Variants in FSTL5 observed in about 807,000 individuals in gnomAD.
The protein encoded by FSTL5 is follistatin-related protein 5.
Under a neutral mutation model 89.1 loss-of-function variants are expected in FSTL5, and 62 were observed. That is an observed-to-expected ratio of 0.70 (90% CI 0.57 to 0.86). The LOEUF is 0.86. FSTL5 is among the 40% of genes least tolerant of loss of function. FSTL5 has a pLI of 0.00. For synonymous variants in FSTL5, 383 were observed against 346.2 expected (o/e 1.11, Z -1.18); for missense variants, 1,057 against 1,001.6 (o/e 1.06, Z -0.75).
intron 1 of FSTL5, among the ~76,000 whole-genome samples, chr4:162,144,285 G>A (rs1732884966): frequency 6.6e-6 from 1 of 152,136 alleles, no homozygotes; most frequent in African/African-American, 2.4e-5. Flanking sequence ...TTAATTATTT[G>A]GGAGGAATTT....
chr4:161,519,493 T>G (rs1033206766), intron 10 of FSTL5, among the ~76,000 whole-genome samples: 1 of 152,010 alleles, frequency 6.6e-6, no homozygotes, highest in Non-Finnish European at 1.5e-5. Flanking sequence ...TCCACTGCAC[T>G]CCAGCCTGGG....
At chr4:161,967,196 A>G (rs1735353989) in intron 3 of FSTL5, among the ~76,000 whole-genome samples, 1 of 152,072 alleles carries the variant, frequency 6.6e-6, no homozygotes. Context: ...TTGTTACATC[A>G]TCTTAAAATT....
At chr4:161,596,284 A>C (rs575694586) in intron 7 of FSTL5, among the ~76,000 whole-genome samples, 1 of 151,980 alleles carries the variant, frequency 6.6e-6, no homozygotes, top group South Asian at 2.1e-4. Context: ...GCTTTCCCTA[A>C]AGTAAATCAT....
At chr4:161,467,372 T>C (rs976122969) in intron 13 of FSTL5, among the ~76,000 whole-genome samples, 2 of 152,140 alleles carry the variant, frequency 1.3e-5, no homozygotes, top group African/African-American at 4.8e-5. Context: ...AAAGTCTAAC[T>C]TTGAATCTAG....
intron 7 of FSTL5, among the ~76,000 whole-genome samples, chr4:161,654,551 T>C (rs1464413922): frequency 6.6e-6 from 1 of 152,134 alleles, no homozygotes; most frequent in African/African-American, 2.4e-5. Context: ...TCCACATATA[T>C]GCAAACTTAG....
chr4:162,066,355 C>CTTCTTCTTGTTCTT lies in FSTL5; in HGVS notation c.127-32698_127-32697insAAGAACAAGAAGAA, dbSNP rs1553996329. 7.4e-4 allele frequency among the ~76,000 whole-genome samples: 45 copies of CTTCTTCTTGTTCTT among 61,180 alleles called. 4 individuals are homozygous for CTTCTTCTTGTTCTT. The highest frequency in any genetic ancestry group is 2.7e-3 in the African/African-American group (45 of 16,372). 40.1% of individuals were successfully genotyped at this position (61,180 alleles called of 152,430 possible). On this transcript the variant is annotated intron_variant, in intron 2 of 15. Transcript: ENST00000306100. ...TTCTTCTTCTTCTTCTTCTTCTTCT[C>CTTCTTCTTGTTCTT]CTTCTTCTTCTTCTTCTCCTTCTTC... is the stretch of plus-strand genomic sequence containing the variant.
rs72984746 is a variant in FSTL5, at chr4:162,116,390, C to A, written c.-16-4978G>T. Among the ~76,000 whole-genome samples the A allele has an allele frequency of 6.3e-3, 956 of 152,320 alleles. 6 individuals are homozygous for A. The highest frequency in any genetic ancestry group is 0.022 in the African/African-American group (916 of 41,580). Reference sequence around the variant, plus strand: ...TAACACACTTCGCATGTACCGTTAGCATATAAAATCTCCACGTAGGTGTGG... The same window carrying A: ...TAACACACTTCGCATGTACCGTTAGAATATAAAATCTCCACGTAGGTGTGG... On this transcript the variant is annotated intron_variant, in intron 1 of 15. Coordinates refer to ENST00000306100, the MANE Select transcript of FSTL5 (RefSeq NM_020116.5).
intron 1 of FSTL5, among the ~76,000 whole-genome samples, chr4:162,115,551 C>G (rs1005692795): frequency 2.0e-5 from 3 of 152,142 alleles, no homozygotes; most frequent in African/African-American, 7.2e-5. Context: ...CTAAAACAAA[C>G]CAGCTGGAAC....
intron 10 of FSTL5, among the ~76,000 whole-genome samples, chr4:161,517,989 A>G (rs1485442018): frequency 6.6e-6 from 1 of 152,226 alleles, no homozygotes; most frequent in Admixed American, 6.5e-5. Flanking sequence ...TTCTTTGAAT[A>G]TACATATGGA....
At chr4:161,734,778 C>G (rs960669423) in intron 6 of FSTL5, among the ~76,000 whole-genome samples, 1 of 152,160 alleles carries the variant, frequency 6.6e-6, no homozygotes, top group Non-Finnish European at 1.5e-5. Flanking sequence ...GGGGCTTTTC[C>G]TCATGCACCA....
intron 6 of FSTL5, among the ~76,000 whole-genome samples, chr4:161,679,558 G>A (rs1030825120): frequency 3.3e-5 from 5 of 151,708 alleles, no homozygotes; most frequent in Admixed American, 6.6e-5. Context: ...TATTGGAAAA[G>A]GGGGAAAAAT....
intron 7 of FSTL5, among the ~76,000 whole-genome samples, chr4:161,612,745 G>A (rs1734694972): frequency 6.6e-6 from 1 of 152,138 alleles, no homozygotes; most frequent in Non-Finnish European, 1.5e-5. Flanking sequence ...GAAGTTTAGG[G>A]ATTGGGAGTT....
chr4:161,890,554 G>C (rs2110750176), intron 4 of FSTL5, among the ~76,000 whole-genome samples: 1 of 151,924 alleles, frequency 6.6e-6, no homozygotes, highest in East Asian at 1.9e-4. Context: ...CAGTCGTGGT[G>C]GTGTGTGCCT....
intron 3 of FSTL5, among the ~76,000 whole-genome samples, chr4:162,033,178 T>G (rs771801762): frequency 2.0e-5 from 3 of 152,180 alleles, no homozygotes; most frequent in Non-Finnish European, 4.4e-5. Context: ...TATGCCATAC[T>G]AGGAGCTATT....
At chr4:161,824,603 T>C (rs1423645414) in intron 4 of FSTL5, among the ~76,000 whole-genome samples, 1 of 152,222 alleles carries the variant, frequency 6.6e-6, no homozygotes, top group East Asian at 1.9e-4. Flanking sequence ...GTGTCATCTA[T>C]GATTTCTTTC....
At chr4:161,502,555 C>T (rs879530188) in intron 11 of FSTL5, among the ~76,000 whole-genome samples, 5 of 151,812 alleles carry the variant, frequency 3.3e-5, no homozygotes, top group Non-Finnish European at 5.9e-5. Context: ...ATTAAAATAG[C>T]GATTATAAAA....
At chr4:161,864,869 T>TAAAAAAAAAAAA (rs1732029933) in intron 4 of FSTL5, among the ~76,000 whole-genome samples, 1 of 12,528 alleles carries the variant, frequency 8.0e-5, no homozygotes. Context: ...AGACTTCGTC[T>TAAAAAAAAAAAA]CAAAAAAAAA....
At position 161,525,585 on chromosome 4, in the gene FSTL5, A is replaced by T. The variant is rs559180115; in HGVS notation, c.1312+12581T>A. Among the ~76,000 whole-genome samples the T allele has an allele frequency of 5.6e-4, 86 of 152,250 alleles. 1 individual carries two copies. In the South Asian group the frequency reaches 7.5e-3, roughly 13 times the overall value. On this transcript the variant is annotated intron_variant, in intron 10 of 15. Coordinates refer to ENST00000306100, the MANE Select transcript of FSTL5 (RefSeq NM_020116.5). The stretch of plus-strand genomic sequence containing the variant: ...AATACTCAATTCAAATTAAAAAAAA[A>T]TTTTTTTAAAAATATTCCATCCATG...
intron 15 of FSTL5, among the ~76,000 whole-genome samples, chr4:161,398,252 C>G (rs1423812842): frequency 6.6e-6 from 1 of 151,988 alleles, no homozygotes; most frequent in East Asian, 1.9e-4. Context: ...TAGAAATATT[C>G]AAATGTAAAA....
Sources: gnomAD v4.1 joint callset for allele counts (sites outside exome capture counted in the v4.1 genomes callset) on GRCh38, gnomAD v4.1.1 for gene constraint, MANE v1.5 for transcripts, NCBI Gene and HGNC (gene_info 2026-07-23, HGNC 2026-07-21) for gene names.